Variants in RAP1GAP observed in about 807,000 individuals in gnomAD.
RAP1GAP encodes the protein RAP1 GTPase activating protein.
Under a neutral mutation model 87.2 loss-of-function variants are expected in RAP1GAP, and 35 were observed. That is an observed-to-expected ratio of 0.40 (90% confidence interval 0.31 to 0.53). The LOEUF is 0.53. RAP1GAP is among the 20% of genes least tolerant of loss of function. RAP1GAP has a pLI of 0.48. For missense variants in RAP1GAP, 734 were observed against 898.9 expected (o/e 0.82, Z 2.35); for synonymous variants, 375 against 363.9 (o/e 1.03, Z -0.35).
At chr1:21,640,208 G>A (rs2095393029) in intron 2 of RAP1GAP, among the ~76,000 whole-genome samples, 1 of 151,994 alleles carries the variant, frequency 6.6e-6, no homozygotes, top group African/African-American at 2.4e-5. Flanking sequence ...CTTCCCGTCC[G>A]CTTGGATCAC....
At chr1:21,607,236 C>T (rs1025972858) in intron 17 of RAP1GAP, among the ~76,000 whole-genome samples, 6 of 152,234 alleles carry the variant, frequency 3.9e-5, no homozygotes, top group African/African-American at 9.7e-5. Flanking sequence ...CCAGGAACTA[C>T]TCCACTCCCC....
In RAP1GAP at chr1:21,620,053, G is replaced by A. The variant is rs753832043; in HGVS notation, c.-18-3C>T. 22 of 1,613,800 alleles carry A rather than the reference G, an allele frequency of 1.4e-5. No individual in the cohort carries two copies. The highest frequency in any genetic ancestry group is 1.8e-5 in the Non-Finnish European group (21 of 1,179,922). ...ATCATCTCAAATAGATCTGTGTTCT[G>A]CAACAGAGACAGGGGAGAGCGAGGT... On this transcript the variant is annotated splice_polypyrimidine_tract_variant and splice_region_variant and intron_variant, in intron 3 of 24. Transcript: ENST00000374765.
intron 4 of RAP1GAP, among the ~76,000 whole-genome samples, 188 bp from the exon 5 acceptor site, chr1:21,619,260 G>A (rs1159575969): frequency 3.3e-5 from 5 of 152,146 alleles, no homozygotes; most frequent in Admixed American, 6.5e-5. Flanking sequence ...GGTAGTGACC[G>A]GGGCTGGAGG....
chr1:21,651,457 C>A (rs1460769944), intron 1 of RAP1GAP: 9 of 599,334 alleles, frequency 1.5e-5, no homozygotes, highest in South Asian at 1.3e-4. Flanking sequence ...GGCGGAGTAG[C>A]CCCGCAGCCC....
chr1:21,598,216 G>T (rs887962481), intron 22 of RAP1GAP, 152 bp from the exon 23 acceptor site: 1 of 760,572 alleles, frequency 1.3e-6, no homozygotes, highest in Non-Finnish European at 2.1e-6. Context: ...GACCCTTCCG[G>T]AAGAAACCAG....
chr1:21,652,342 A>G (rs1003122964), intron 1 of RAP1GAP, among the ~76,000 whole-genome samples: 3 of 152,120 alleles, frequency 2.0e-5, no homozygotes, highest in African/African-American at 7.2e-5. Context: ...GGACCTGGGG[A>G]TGACGAAATG....
chr1:21,628,400 TAAAAAAAA>T (rs528098037), intron 2 of RAP1GAP, among the ~76,000 whole-genome samples: 7 of 52,436 alleles, frequency 1.3e-4, no homozygotes, highest in Non-Finnish European at 1.8e-4. Context: ...CCATCTCTAC[TAAAAAAAA>T]AAAAAAAAAA....
chr1:21,628,248 G>C (rs1008233760), intron 2 of RAP1GAP, among the ~76,000 whole-genome samples: 7 of 151,778 alleles, frequency 4.6e-5, no homozygotes, highest in Non-Finnish European at 7.4e-5. Context: ...CTAAAGAGAG[G>C]TCCATAGAAA....
chr1:21,643,756 C>G (rs1571234989), intron 2 of RAP1GAP, among the ~76,000 whole-genome samples: 2 of 152,302 alleles, frequency 1.3e-5, no homozygotes, highest in East Asian at 3.9e-4. Flanking sequence ...GCACTCATTT[C>G]ATTCGAAGCA....
intron 2 of RAP1GAP, among the ~76,000 whole-genome samples, chr1:21,649,049 G>A (rs1173730918): frequency 1.3e-5 from 2 of 152,214 alleles, no homozygotes; most frequent in Non-Finnish European, 2.9e-5. Context: ...AGCAGCAGCA[G>A]GAGCAGCCAG....
At chr1:21,614,136 G>T in intron 7 of RAP1GAP, 47 bp from the exon 8 acceptor site, 2 of 1,368,374 alleles carry the variant, frequency 1.5e-6, no homozygotes. Context: ...GCTGAGCATG[G>T]GGCTTTTGGA....
chr1:21,617,673 C>T (rs1026452284), intron 6 of RAP1GAP, among the ~76,000 whole-genome samples, 182 bp from the exon 7 acceptor site: 2 of 152,198 alleles, frequency 1.3e-5, no homozygotes, highest in African/African-American at 4.8e-5. Context: ...ACCCAGACAG[C>T]GCCGAGACCC....
intron 2 of RAP1GAP, among the ~76,000 whole-genome samples, chr1:21,643,033 A>C (rs540197368): frequency 1.1e-4 from 17 of 152,192 alleles, no homozygotes; most frequent in African/African-American, 4.1e-4. Flanking sequence ...CTCCCTAGTC[A>C]GCACATGTCA....
At position 21,668,221 on chromosome 1, in the gene RAP1GAP, A is replaced by T. The variant is rs2097440481; in HGVS notation, c.-149+1033T>A. On this transcript the variant is annotated intron_variant, in intron 1 of 24. Coordinates refer to ENST00000374765, the MANE Select transcript of RAP1GAP (RefSeq NM_002885.4). The surrounding 1 kb of genome is among the most constrained non-coding windows in gnomAD (Gnocchi z 6.2). ...GAGCCTCATATGGGGAGGAAGTGGT[A>T]CCATCTCACCCCCATTGCCTTTCTC... is the stretch of plus-strand genomic sequence containing the variant. 6.6e-6 allele frequency among the ~76,000 whole-genome samples: 1 copy of T among 152,092 alleles called. No homozygotes were observed. Among genetic ancestry groups the T allele is most frequent in the Non-Finnish European group, 1.5e-5 (1 of 67,988 alleles).
At chr1:21,624,600 C>T (rs1201868924) in intron 3 of RAP1GAP, among the ~76,000 whole-genome samples, 1 of 152,072 alleles carries the variant, frequency 6.6e-6, no homozygotes, top group African/African-American at 2.4e-5. Flanking sequence ...ATCATTCAGT[C>T]TCTCTAGCCC....
chr1:21,652,214 C>T (rs2096635218), intron 1 of RAP1GAP, among the ~76,000 whole-genome samples: 2 of 151,492 alleles, frequency 1.3e-5, no homozygotes, highest in African/African-American at 2.4e-5. Context: ...CCGTCCCCAT[C>T]ATCACGAGCT....
At chr1:21,628,545 C>T (rs1387247584) in intron 2 of RAP1GAP, among the ~76,000 whole-genome samples, 1 of 151,826 alleles carries the variant, frequency 6.6e-6, no homozygotes, top group African/African-American at 2.4e-5. Context: ...CATGGTGAAA[C>T]CCCGTCTCTA....
chr1:21,611,853 C>G (rs778155927), intron 11 of RAP1GAP, 37 bp from the exon 12 acceptor site: 2 of 1,567,426 alleles, frequency 1.3e-6, no homozygotes, highest in Non-Finnish European at 8.8e-7. Context: ...AGCTGGAGTT[C>G]CTGAGAAGCC....
intron 3 of RAP1GAP, among the ~76,000 whole-genome samples, chr1:21,621,599 G>C (rs1201832179): frequency 6.6e-6 from 1 of 152,192 alleles, no homozygotes; most frequent in Non-Finnish European, 1.5e-5. Context: ...CAATTCCGCA[G>C]GCAGTTACTG....
Sources: gnomAD v4.1 joint callset for allele counts (sites outside exome capture counted in the v4.1 genomes callset) on GRCh38, gnomAD v4.1.1 for gene constraint, Gnocchi (gnomAD v3.1) non-coding constraint, MANE v1.5 for transcripts, NCBI Gene and HGNC (gene_info 2026-07-23, HGNC 2026-07-21) for gene names.